The following NHLRC2 variants were observed in gnomAD, a reference collection of about 807,000 sequenced individuals.
The protein encoded by NHLRC2 is NHL repeat-containing protein 2.
NHLRC2 carries 33 observed loss-of-function variants against 68.1 expected under a neutral mutation model. The ratio of observed to expected loss-of-function variants is 0.48; its 90% CI spans 0.37 to 0.65. NHLRC2 has a LOEUF of 0.65. Ranked by LOEUF, NHLRC2 falls within the 30% of genes least tolerant of loss-of-function variation. NHLRC2 has a pLI of 0.00. For missense variants in NHLRC2, 761 were observed against 853.8 expected, an observed-to-expected ratio of 0.89 and a Z score of 1.35; for synonymous variants, 311 against 309.6, an observed-to-expected ratio of 1.00 and a Z score of -0.05.
rs995981702 is a variant in NHLRC2, at chr10:113,858,779, G to C, written c.331+99G>C. 18 of 750,654 alleles carry C rather than the reference G, an allele frequency of 2.4e-5. 1 individual carries two copies. The South Asian group carries it at 3.6e-4, about 15-fold the overall frequency. The allele number at this position is 750,654 out of a possible 1,614,324, so 46.5% of individuals were successfully genotyped here. On this transcript the variant is annotated intron_variant, in intron 2 of 10. Coordinates refer to ENST00000369301, the MANE Select transcript of NHLRC2 (RefSeq NM_198514.4). The stretch of plus-strand genomic sequence containing the variant: ...CATAGGAGAATGAACATTTGGCAAG[G>C]CTTCAGGGATTCTAAAAGTAATCTC...
intron 1 of NHLRC2, 25 bp from the exon 2 acceptor site, chr10:113,858,503 G>T (rs981979373): frequency 2.0e-6 from 3 of 1,507,478 alleles, no homozygotes; most frequent in South Asian, 2.4e-5. Flanking sequence ...TTTAATCATT[G>T]TAATTTATTT....
chr10:113,908,156 A>C, intron 10 of NHLRC2, 124 bp from the exon 11 acceptor site: 1 of 696,562 alleles, frequency 1.4e-6, no homozygotes, highest in Non-Finnish European at 2.4e-6. Flanking sequence ...CACAGACCGC[A>C]ATGCCTGGCA....
chr10:113,885,981 T>C (rs1055993397), intron 5 of NHLRC2, among the ~76,000 whole-genome samples: 1 of 152,056 alleles, frequency 6.6e-6, no homozygotes, highest in Non-Finnish European at 1.5e-5. Context: ...CATGATTTTA[T>C]ATGTAGAAAA....
intron 5 of NHLRC2, among the ~76,000 whole-genome samples, chr10:113,891,048 A>G (rs1363438907): frequency 2.0e-5 from 3 of 152,164 alleles, no homozygotes; most frequent in Non-Finnish European, 4.4e-5. Context: ...TGATCCAATC[A>G]CTTTCCACCA....
Position 113,909,325 on chromosome 10 carries a change from G to T in NHLRC2, c.*789G>T, listed in dbSNP as rs527450089. On this transcript the variant is annotated 3_prime_UTR_variant, in exon 11 of 11. Coordinates refer to ENST00000369301, the MANE Select transcript of NHLRC2 (RefSeq NM_198514.4). ...ACTTTCAAGGAAAAAGGGACTTTAG[G>T]ACACATTACTTAGTGTCTGTGATAA... 6.6e-6 allele frequency: 1 copy of T among 152,196 alleles called. No individual in the cohort carries two copies. The highest frequency in any genetic ancestry group is 1.9e-4 in the East Asian group (1 of 5,186). The allele number at this position is 152,196 out of a possible 1,614,324, so 9.4% of individuals were successfully genotyped here.
intron 2 of NHLRC2, among the ~76,000 whole-genome samples, chr10:113,862,365 C>T (rs1318358384): frequency 6.6e-6 from 1 of 150,856 alleles, no homozygotes; most frequent in African/African-American, 2.4e-5. Flanking sequence ...AGCGTAATAA[C>T]TTTAAGATGT....
In NHLRC2 at chr10:113,914,837, A is replaced by G. The variant is rs1846365695; in HGVS notation, c.*6301A>G. ...TTTTTTCCCATGTCTTTGCAATAGG[A>G]TAATATAAAGAATAGTATTAAAAGT... On this transcript the variant is annotated 3_prime_UTR_variant, in exon 11 of 11. Coordinates refer to ENST00000369301, the MANE Select transcript of NHLRC2 (RefSeq NM_198514.4). 5.6e-6 allele frequency: 2 copies of G among 357,296 alleles called. No homozygotes were observed. The highest frequency in any genetic ancestry group is 2.1e-5 in the South Asian group (1 of 47,070). The allele number at this position is 357,296 out of a possible 1,614,324, so 22.1% of individuals were successfully genotyped here. A position where few individuals can be genotyped will look rare whatever the true frequency, so the allele number is the denominator to read the frequency against.
intron 6 of NHLRC2, 38 bp downstream of exon 6, chr10:113,898,247 C>A: frequency 1.5e-6 from 2 of 1,313,572 alleles, no homozygotes; most frequent in Non-Finnish European, 2.2e-6. Context: ...GACTGTACTA[C>A]TTGGTGTTCA....
chr10:113,884,646 C>G (rs1200285241), intron 5 of NHLRC2, among the ~76,000 whole-genome samples: 4 of 150,302 alleles, frequency 2.7e-5, no homozygotes, highest in African/African-American at 9.7e-5. Flanking sequence ...TTAGATGCAC[C>G]CTCCAATTAA....
chr10:113,884,854 TATG>T (rs1027474291), intron 5 of NHLRC2, among the ~76,000 whole-genome samples: 2 of 151,748 alleles, frequency 1.3e-5, no homozygotes, highest in African/African-American at 4.8e-5. Flanking sequence ...TATATTAAAG[TATG>T]ATAACTTCTT....
rs1285075997 is a variant in NHLRC2 at position 113,913,039 on chromosome 10, C to CTATTAAGTGCTTTTATG, written c.*4510_*4526dup. Reference sequence around the variant, plus strand: ...GTTCTTTCTATTTTCCAGCACTCATCTATTAAGTGCTTTTATGTATTAACT... The same window carrying CTATTAAGTGCTTTTATG: ...GTTCTTTCTATTTTCCAGCACTCATCTATTAAGTGCTTTTATGTATTAAGTGCTTTTATGTATTAACT... On this transcript the variant is annotated 3_prime_UTR_variant, in exon 11 of 11. Transcript: ENST00000369301. 6.6e-6 allele frequency: 1 copy of CTATTAAGTGCTTTTATG among 152,192 alleles called. No homozygotes were observed. Among genetic ancestry groups the CTATTAAGTGCTTTTATG allele is most frequent in the African/African-American group, 2.4e-5 (1 of 41,448 alleles). 9.4% of individuals were successfully genotyped at this position (152,192 alleles called of 1,614,324 possible). A position where few individuals can be genotyped will look rare whatever the true frequency, so the allele number is the denominator to read the frequency against.
Position 113,876,539 on chromosome 10 carries a change from G to A in NHLRC2, c.350G>A (p.Gly117Asp), listed in dbSNP as rs781006001. Residue 117 changes from glycine to aspartate, a missense_variant, in exon 3 of 11, where the codon GGT (glycine) becomes GAT (aspartate). Physicochemically the swap from Gly to Asp is moderately conservative, Grantham distance 94 (BLOSUM62 -1). Transcript: ENST00000369301. ...CTTTCAGATGGTCTTCTTATTATTG[G>A]TGTTCACTCGGCTAAGTTTCCAAAT... is the stretch of plus-strand genomic sequence containing the variant. ...YSDKDGLLIIGVHSAKFPNEK... is the reference protein window; with the variant it reads ...YSDKDGLLIIDVHSAKFPNEK... 1 of 1,597,070 alleles carries A rather than the reference G, an allele frequency of 6.3e-7. No homozygotes were observed. Among genetic ancestry groups the A allele is most frequent in the Non-Finnish European group, 8.5e-7 (1 of 1,170,616 alleles).
chr10:113,863,949 G>C (rs1181598849), intron 2 of NHLRC2, among the ~76,000 whole-genome samples: 1 of 152,204 alleles, frequency 6.6e-6, no homozygotes, highest in Non-Finnish European at 1.5e-5. Context: ...ATATCTGGTA[G>C]CATTATTCTC....
intron 4 of NHLRC2, 104 bp downstream of exon 4, chr10:113,879,799 A>G (rs917482869): frequency 8.4e-6 from 6 of 716,012 alleles, no homozygotes; most frequent in East Asian, 3.1e-5. Flanking sequence ...ATGTATGTCA[A>G]TGTCCTTGTT....
intron 3 of NHLRC2, among the ~76,000 whole-genome samples, chr10:113,877,412 T>C (rs1845994445): frequency 6.6e-6 from 1 of 152,166 alleles, no homozygotes; most frequent in Middle Eastern, 3.2e-3. Context: ...ATGTAGTTTA[T>C]AAAATAAATA....
At chr10:113,858,768 C>T (rs1845787516) in intron 2 of NHLRC2, 88 bp downstream of exon 2, 1 of 879,334 alleles carries the variant, frequency 1.1e-6, no homozygotes, top group African/African-American at 1.7e-5. Context: ...GGAGAATGAA[C>T]ATTTGGCAAG....
At chr10:113,885,944 A>G (rs1846078697) in intron 5 of NHLRC2, among the ~76,000 whole-genome samples, 1 of 152,032 alleles carries the variant, frequency 6.6e-6, no homozygotes, top group South Asian at 2.1e-4. Context: ...GGAAAAGAAA[A>G]GTGAAATTGT....
intron 2 of NHLRC2, among the ~76,000 whole-genome samples, chr10:113,876,200 A>G (rs1845978054): frequency 6.6e-6 from 1 of 151,952 alleles, no homozygotes; most frequent in African/African-American, 2.4e-5. Flanking sequence ...TATAGGTGGA[A>G]AAAATTTCAA....
intron 2 of NHLRC2, among the ~76,000 whole-genome samples, chr10:113,872,418 A>G (rs1589537972): frequency 6.6e-6 from 1 of 152,170 alleles, no homozygotes; most frequent in South Asian, 2.1e-4. Flanking sequence ...GATCACATCT[A>G]TATAAAAACT....
Sources: gnomAD v4.1 joint callset for allele counts (sites outside exome capture counted in the v4.1 genomes callset) on GRCh38, gnomAD v4.1.1 for gene constraint, MANE v1.5 for transcripts, NCBI Gene and HGNC (gene_info 2026-07-23, HGNC 2026-07-21) for gene names.